The following DOK6 variants were observed in gnomAD, a reference collection of about 807,000 sequenced individuals.
The protein encoded by DOK6 is downstream of tyrosine kinase 6.
Under a neutral mutation model 44.0 loss-of-function variants are expected in DOK6, and 22 were observed. The ratio of observed to expected loss-of-function variants is 0.50; its 90% CI spans 0.36 to 0.71. The LOEUF is 0.71. Among genes scored for constraint, DOK6 ranks in the 30% least tolerant of loss-of-function variants. The probability of loss-of-function intolerance (pLI) is 0.00; values close to 1 mark genes in which losing one functional copy is unlikely to be tolerated. For synonymous variants in DOK6, 166 were observed against 145.5 expected (o/e 1.14, Z -1.01); for missense variants, 340 against 416.4 (o/e 0.82, Z 1.60).
chr18:69,743,935 C>T lies in DOK6; in HGVS notation c.738+4832C>T, dbSNP rs80226591. On this transcript the variant is annotated intron_variant, in intron 6 of 7. Transcript: ENST00000382713. ...ACAAATAGCATGAGTGCTGTTGAAA[C>T]GCCAGGAAGATATCAAGACTTTGTC... Among the ~76,000 whole-genome samples the T allele has an allele frequency of 8.3e-3, 1,257 of 152,062 alleles. 20 individuals carry two copies. Among genetic ancestry groups the T allele is most frequent in the African/African-American group, 0.029 (1,207 of 41,462 alleles).
intron 5 of DOK6, among the ~76,000 whole-genome samples, chr18:69,733,280 T>C (rs1839107839): frequency 6.6e-6 from 1 of 152,214 alleles, no homozygotes; most frequent in Non-Finnish European, 1.5e-5. Context: ...AAATGTTCCT[T>C]CTATACTTAA....
chr18:69,778,921 G>T (rs1357781856), intron 7 of DOK6, among the ~76,000 whole-genome samples: 2 of 152,098 alleles, frequency 1.3e-5, no homozygotes, highest in South Asian at 2.1e-4. Context: ...CTAATGAGTG[G>T]AATGGGGATG....
chr18:69,750,672 G>A (rs1443060570), intron 6 of DOK6, among the ~76,000 whole-genome samples: 4 of 152,184 alleles, frequency 2.6e-5, no homozygotes, highest in African/African-American at 7.2e-5. Flanking sequence ...ACAGCATGAA[G>A]GTTCCTCAAA....
At chr18:69,555,104 A>T (rs1023711255) in intron 1 of DOK6, among the ~76,000 whole-genome samples, 1 of 152,128 alleles carries the variant, frequency 6.6e-6, no homozygotes, top group African/African-American at 2.4e-5. Flanking sequence ...CTAATATGTA[A>T]AAATTTATAT....
At chr18:69,801,649 G>A (rs1980908354) in intron 7 of DOK6, among the ~76,000 whole-genome samples, 1 of 152,060 alleles carries the variant, frequency 6.6e-6, no homozygotes, top group African/African-American at 2.4e-5. Context: ...TTTACACTGG[G>A]GGCTGTATTT....
chr18:69,642,763 T>C (rs1984975594), intron 3 of DOK6, among the ~76,000 whole-genome samples: 1 of 152,220 alleles, frequency 6.6e-6, no homozygotes, highest in Non-Finnish European at 1.5e-5. Flanking sequence ...AGGTACACGA[T>C]GCCAATTTGT....
chr18:69,457,845 C>T (rs1307979361), intron 1 of DOK6, among the ~76,000 whole-genome samples: 2 of 152,160 alleles, frequency 1.3e-5, no homozygotes, highest in African/African-American at 4.8e-5. Context: ...AGCAGCACAT[C>T]AAAAAGTTAA....
chr18:69,440,558 T>A (rs374555757), intron 1 of DOK6, among the ~76,000 whole-genome samples: 1 of 152,178 alleles, frequency 6.6e-6, no homozygotes, highest in East Asian at 1.9e-4. Flanking sequence ...AATGTCGGCC[T>A]TCTTACTTGC....
At chr18:69,546,501 G>C (rs78535738) in intron 1 of DOK6, among the ~76,000 whole-genome samples, 1 of 151,252 alleles carries the variant, frequency 6.6e-6, no homozygotes, top group South Asian at 2.1e-4. Flanking sequence ...CCAACCCTTC[G>C]AGCAGAGATA....
chr18:69,815,423 G>A (rs1981369977), intron 7 of DOK6, among the ~76,000 whole-genome samples: 2 of 152,268 alleles, frequency 1.3e-5, no homozygotes, highest in Middle Eastern at 3.4e-3. Context: ...AGTAATATAC[G>A]ATAGAGATAG....
At chr18:69,718,079 G>A (rs1428293132) in intron 5 of DOK6, among the ~76,000 whole-genome samples, 1 of 152,178 alleles carries the variant, frequency 6.6e-6, no homozygotes, top group East Asian at 1.9e-4. Flanking sequence ...TCTGTGGCAG[G>A]ATTCCATATC....
At chr18:69,784,487 A>G (rs1056516139) in intron 7 of DOK6, among the ~76,000 whole-genome samples, 70 of 151,540 alleles carry the variant, frequency 4.6e-4, no homozygotes, top group African/African-American at 1.6e-3. Flanking sequence ...TAATATAAAA[A>G]TATAAAATGT....
intron 5 of DOK6, among the ~76,000 whole-genome samples, chr18:69,700,728 C>T (rs2144705269): frequency 6.6e-6 from 1 of 152,192 alleles, no homozygotes; most frequent in Middle Eastern, 3.4e-3. Context: ...TTAAAATGAG[C>T]CAGTGGGGGA....
At chr18:69,781,607 G>C (rs1265129466) in intron 7 of DOK6, among the ~76,000 whole-genome samples, 2 of 152,242 alleles carry the variant, frequency 1.3e-5, no homozygotes, top group South Asian at 2.1e-4. Flanking sequence ...TATTCTAGGA[G>C]TAATTGTCTC....
intron 4 of DOK6, among the ~76,000 whole-genome samples, chr18:69,682,567 G>A (rs1050224776): frequency 2.6e-5 from 4 of 152,140 alleles, no homozygotes; most frequent in Admixed American, 1.3e-4. Flanking sequence ...GCCCAGATTT[G>A]CAACACAATT....
intron 1 of DOK6, among the ~76,000 whole-genome samples, chr18:69,542,851 A>C (rs1054280459): frequency 1.3e-5 from 2 of 151,628 alleles, no homozygotes; most frequent in Non-Finnish European, 3.0e-5. Context: ...AGCGTGGATT[A>C]GTTCCTAAGG....
chr18:69,529,102 C>G (rs565508454), intron 1 of DOK6, among the ~76,000 whole-genome samples: 1 of 152,108 alleles, frequency 6.6e-6, no homozygotes, highest in Non-Finnish European at 1.5e-5. Context: ...TGTGTGCACA[C>G]GACTGTCCTC....
intron 7 of DOK6, among the ~76,000 whole-genome samples, chr18:69,765,858 A>G (rs568959990): frequency 2.0e-5 from 3 of 152,298 alleles, no homozygotes; most frequent in African/African-American, 7.2e-5. Flanking sequence ...TCTCATTAAA[A>G]GAGATCATCA....
Position 69,564,458 on chromosome 18 carries a change from G to A in DOK6, c.67-29G>A, listed in dbSNP as rs150855398. On this transcript the variant is annotated intron_variant, in intron 1 of 7. Coordinates refer to ENST00000382713, the MANE Select transcript of DOK6 (RefSeq NM_152721.6). ...TGTCGTAAACTCATGTAAAAATATG[G>A]ATAATGGGATTCCTTTATTTGCTTT... is the stretch of plus-strand genomic sequence containing the variant. The A allele has an allele frequency of 3.8e-5, 60 of 1,591,130 alleles. 1 individual carries two copies. The African/African-American group carries it at 7.0e-4, about 19-fold the overall frequency.
Sources: allele counts gnomAD v4.1 joint callset (sites outside exome capture counted in the v4.1 genomes callset), GRCh38; gene constraint gnomAD v4.1.1; transcripts MANE v1.5; gene names NCBI Gene and HGNC (gene_info 2026-07-23, HGNC 2026-07-21).